The following PAPPA2 variants were observed in gnomAD, a reference collection of about 807,000 sequenced individuals.
The protein encoded by PAPPA2 is pappalysin-2.
PAPPA2 carries 86 observed loss-of-function variants against 176.4 expected under a neutral mutation model. That is an observed-to-expected ratio of 0.49 (90% confidence interval 0.41 to 0.58). The LOEUF (loss-of-function observed/expected upper bound fraction) is 0.58, where lower values mean the gene tolerates loss of function less well. PAPPA2 is among the 20% of genes least tolerant of loss of function. The probability of loss-of-function intolerance (pLI) is 0.00; values close to 1 mark genes in which losing one functional copy is unlikely to be tolerated. For synonymous variants in PAPPA2, 809 were observed against 852.2 expected (o/e 0.95, Z 0.88); for missense variants, 2,073 against 2,256.9 (o/e 0.92, Z 1.65).
At chr1:176,794,215 C>T (rs1447791036) in intron 20 of PAPPA2, among the ~76,000 whole-genome samples, 1 of 152,126 alleles carries the variant, frequency 6.6e-6, no homozygotes, top group Non-Finnish European at 1.5e-5. Flanking sequence ...TGATGAAAAA[C>T]ATATCGAAGT....
intron 3 of PAPPA2, 30 bp from the exon 4 acceptor site, chr1:176,670,940 T>C: frequency 6.2e-7 from 1 of 1,612,566 alleles, no homozygotes; most frequent in Non-Finnish European, 8.5e-7. Context: ...TTCTTTGCTG[T>C]GACATTTTTT....
intron 11 of PAPPA2, among the ~76,000 whole-genome samples, chr1:176,710,756 T>C (rs1661107013): frequency 6.6e-6 from 1 of 152,172 alleles, no homozygotes; most frequent in Non-Finnish European, 1.5e-5. Context: ...AGAAGTGAGA[T>C]TTAGGCCTCT....
chr1:176,644,932 AC>A lies in PAPPA2; in HGVS notation c.1992-26037del, dbSNP rs527779213. Among the ~76,000 whole-genome samples, 7 of 151,950 alleles carry A rather than the reference AC, an allele frequency of 4.6e-5. No homozygotes were observed. In the South Asian group the frequency reaches 1.5e-3, roughly 32 times the overall value. ...ACAACACAGGTGCAGCGCCACAAGT[AC>A]TTCTGATTTTATTTAATTTCAAAAG... On this transcript the variant is annotated intron_variant, in intron 3 of 22. Transcript: ENST00000367662.
intron 10 of PAPPA2, among the ~76,000 whole-genome samples, chr1:176,707,943 G>A (rs953812655): frequency 6.6e-6 from 1 of 152,030 alleles, no homozygotes; most frequent in East Asian, 1.9e-4. Context: ...GCTTCATGTG[G>A]TCAGTGCCCA....
intron 3 of PAPPA2, among the ~76,000 whole-genome samples, chr1:176,648,372 A>G (rs1363887191): frequency 6.6e-6 from 1 of 151,418 alleles, no homozygotes; most frequent in Non-Finnish European, 1.5e-5. Context: ...TGGTCATGTC[A>G]TGTGTGAGCA....
intron 11 of PAPPA2, 31 bp from the exon 12 acceptor site, chr1:176,711,804 C>T: frequency 6.3e-7 from 1 of 1,584,224 alleles, no homozygotes; most frequent in East Asian, 2.3e-5. Context: ...ACACTCCACA[C>T]TTCAAATTGT....
At chr1:176,700,770 G>T (rs1197121245) in intron 8 of PAPPA2, among the ~76,000 whole-genome samples, 1 of 152,178 alleles carries the variant, frequency 6.6e-6, no homozygotes, top group East Asian at 1.9e-4. Flanking sequence ...TGATGAAAGA[G>T]GCAGCAAAGT....
rs7514203 is a variant in PAPPA2 at position 176,842,785 on chromosome 1, C to T, written c.*331C>T. 4,961 of 222,708 alleles carry T rather than the reference C, an allele frequency of 0.022. 264 individuals are homozygous for T. Among genetic ancestry groups the T allele is most frequent in the African/African-American group, 0.11 (4,652 of 43,240 alleles). 13.8% of individuals were successfully genotyped at this position (222,708 alleles called of 1,614,324 possible). A position where few individuals can be genotyped will look rare whatever the true frequency, so the allele number is the denominator to read the frequency against. On this transcript the variant is annotated 3_prime_UTR_variant, in exon 23 of 23. Coordinates refer to ENST00000367662, the MANE Select transcript of PAPPA2 (RefSeq NM_020318.3). Reference sequence around the variant, plus strand: ...CTCAACTCTTGCCCTGCTCTCCGCTCCACCCCCTGCCAACTACTCAGTCCC... The same window carrying T: ...CTCAACTCTTGCCCTGCTCTCCGCTTCACCCCCTGCCAACTACTCAGTCCC...
intron 1 of PAPPA2, among the ~76,000 whole-genome samples, chr1:176,473,218 A>G (rs1651963942): frequency 6.6e-6 from 1 of 152,170 alleles, no homozygotes; most frequent in Admixed American, 6.6e-5. Flanking sequence ...CTAACCCCTG[A>G]CAACCACTTA....
chr1:176,634,845 GATAC>G (rs1420322491), intron 3 of PAPPA2, among the ~76,000 whole-genome samples: 148 of 124,568 alleles, frequency 1.2e-3, no homozygotes, highest in Middle Eastern at 9.1e-3. Context: ...TAGATAGATA[GATAC>G]ATAGATACAT....
At chr1:176,809,978 G>GTT (rs1157027850) in intron 21 of PAPPA2, among the ~76,000 whole-genome samples, 1 of 151,458 alleles carries the variant, frequency 6.6e-6, no homozygotes, top group Non-Finnish European at 1.5e-5. Flanking sequence ...GTGTGTGTGT[G>GTT]TGTGTGTGTG....
At chr1:176,826,976 A>AT (rs1393660027) in intron 21 of PAPPA2, among the ~76,000 whole-genome samples, 1 of 152,226 alleles carries the variant, frequency 6.6e-6, no homozygotes, top group African/African-American at 2.4e-5. Context: ...CAGTGATCAA[A>AT]TTATTTTAGA....
intron 2 of PAPPA2, among the ~76,000 whole-genome samples, chr1:176,562,993 A>G (rs188923664): frequency 6.6e-6 from 1 of 152,252 alleles, no homozygotes; most frequent in African/African-American, 2.4e-5. Context: ...CCTAGGGTGC[A>G]TATTGCTTCC....
intron 21 of PAPPA2, among the ~76,000 whole-genome samples, chr1:176,830,282 A>T (rs1667035871): frequency 6.6e-6 from 1 of 152,226 alleles, no homozygotes; most frequent in South Asian, 2.1e-4. Flanking sequence ...GAAAGGTAAG[A>T]GGAGTGAAAT....
At chr1:176,791,505 A>G in intron 19 of PAPPA2, 23 bp downstream of exon 19, 1 of 1,597,424 alleles carries the variant, frequency 6.3e-7, no homozygotes, top group Non-Finnish European at 8.5e-7. Flanking sequence ...GTGAATCTTA[A>G]AGTCAATTTC....
At chr1:176,691,183 T>C in intron 5 of PAPPA2, 1 of 981,144 alleles carries the variant, frequency 1.0e-6, no homozygotes, top group Non-Finnish European at 1.2e-6. Flanking sequence ...TCCCTAAAAT[T>C]AAAGACTTAT....
At chr1:176,518,677 T>A (rs1281791525) in intron 1 of PAPPA2, among the ~76,000 whole-genome samples, 1 of 152,216 alleles carries the variant, frequency 6.6e-6, no homozygotes, top group Non-Finnish European at 1.5e-5. Context: ...TTTAGCATAT[T>A]CCTGAACATG....
Position 176,666,608 on chromosome 1 carries a change from TGA to T in PAPPA2, c.1992-4343_1992-4342del, listed in dbSNP as rs55742086. ...GTGTGTGTGTGTGTGTGTGTGTGTG[TGA>T]GAGAGAGAGAGAGAGAGAAAGAGAG... On this transcript the variant is annotated intron_variant, in intron 3 of 22. Coordinates refer to ENST00000367662, the MANE Select transcript of PAPPA2 (RefSeq NM_020318.3). 8.5e-3 allele frequency among the ~76,000 whole-genome samples: 857 copies of T among 101,294 alleles called. 4 individuals carry two copies. The highest frequency in any genetic ancestry group is 0.021 in the African/African-American group (576 of 27,882). 66.5% of individuals were successfully genotyped at this position (101,294 alleles called of 152,430 possible).
chr1:176,615,850 T>TAGTTCCTG (rs1655192204), intron 3 of PAPPA2, among the ~76,000 whole-genome samples: 1 of 152,192 alleles, frequency 6.6e-6, no homozygotes, highest in East Asian at 1.9e-4. Context: ...AGAGTGTTCA[T>TAGTTCCTG]AGTTCCTGAG....
Sources: gnomAD v4.1 joint callset for allele counts (sites outside exome capture counted in the v4.1 genomes callset) on GRCh38, gnomAD v4.1.1 for gene constraint, MANE v1.5 for transcripts, NCBI Gene and HGNC (gene_info 2026-07-23, HGNC 2026-07-21) for gene names.